Variants in AMZ1 observed in about 807,000 individuals in gnomAD.
AMZ1 encodes archaemetzincin-1.
In AMZ1, 39 loss-of-function variants were observed where a neutral mutation model predicts 29.9. The ratio of observed to expected loss-of-function variants is 1.30; its 90% CI spans 1.01 to 1.70. The LOEUF (loss-of-function observed/expected upper bound fraction) is 1.70. Ranked by LOEUF, AMZ1 falls within the 40% of genes most tolerant of loss-of-function variation. The pLI, the probability that AMZ1 is intolerant of heterozygous loss-of-function variation, is 0.00. For synonymous variants in AMZ1, 458 were observed against 304.0 expected, an observed-to-expected ratio of 1.51 and a Z score of -5.27; for missense variants, 1,041 against 680.6, an observed-to-expected ratio of 1.53 and a Z score of -5.89.
chr7:2,710,290 G>C (rs528691505), intron 6 of AMZ1, among the ~76,000 whole-genome samples: 1 of 152,346 alleles, frequency 6.6e-6, no homozygotes, highest in South Asian at 2.1e-4. Context: ...CCTGGGTGGG[G>C]TTGCCGAGCA....
rs762909854 is a variant in AMZ1, at chr7:2,702,815, C to T, written c.398C>T (p.Pro133Leu). Reference sequence around the variant, plus strand: ...CTGGGCCTGCGCGTCAAGTGCCTGCCGTCGGTGGCAGCCGCGTCCATCCGC... The same window carrying T: ...CTGGGCCTGCGCGTCAAGTGCCTGCTGTCGGTGGCAGCCGCGTCCATCCGC... ...FFLGLRVKCLPSVAAASIRCS... is the reference protein window; with the variant it reads ...FFLGLRVKCLLSVAAASIRCS... The change falls in exon 3 of 7, where the codon CCG (proline) becomes CTG (leucine). Residue 133 changes from proline (P) to leucine (L), a missense_variant. Pro to Leu is a moderately conservative substitution (Grantham distance 98). Coordinates refer to ENST00000683327, the MANE Select transcript of AMZ1 (RefSeq NM_001384743.1). The T allele has an allele frequency of 6.8e-5, 106 of 1,555,136 alleles. 1 individual carries two copies. In the Admixed American group the frequency reaches 7.1e-4, roughly 10 times the overall value.
chr7:2,733,875 T>C lies in AMZ1; in HGVS notation n.550+24059T>C, dbSNP rs531271623. Among the ~76,000 whole-genome samples the C allele has an allele frequency of 1.4e-3, 209 of 152,346 alleles. 2 individuals are homozygous for C. The highest frequency in any genetic ancestry group is 4.6e-3 in the African/African-American group (191 of 41,576). ...CAGGCTAGAATAGGATTTTAGATTT[T>C]GGCTCCTGGGTACAGTCTTGCTTCT... On this transcript the variant is annotated intron_variant and non_coding_transcript_variant, in intron 4 of 4. Transcript: ENST00000489665.
intron 4 of AMZ1, among the ~76,000 whole-genome samples, chr7:2,732,848 C>G (rs1562391300): frequency 6.6e-6 from 1 of 152,174 alleles, no homozygotes; most frequent in Non-Finnish European, 1.5e-5. Flanking sequence ...TTAAGTGATC[C>G]TGACCAATGG....
chr7:2,696,490 C>A (rs1224590222), intron 1 of AMZ1, among the ~76,000 whole-genome samples: 2 of 151,136 alleles, frequency 1.3e-5, no homozygotes, highest in Non-Finnish European at 3.0e-5. Context: ...ATCTCCTGAC[C>A]TCGTGATCTG....
At chr7:2,711,134 C>A (rs4721982) in intron 6 of AMZ1, among the ~76,000 whole-genome samples, 2 of 152,052 alleles carry the variant, frequency 1.3e-5, no homozygotes, top group African/African-American at 2.4e-5. Context: ...CTCTCCGTTC[C>A]GTGAGCACCA....
intron 4 of AMZ1, among the ~76,000 whole-genome samples, chr7:2,745,957 CAAG>C (rs549578646): frequency 0.012 from 1,832 of 152,278 alleles, 39 homozygotes; most frequent in African/African-American, 0.041. Context: ...ATCAATTCAA[CAAG>C]AAGAGCTAAC....
intron 4 of AMZ1, among the ~76,000 whole-genome samples, chr7:2,738,147 G>A (rs993034990): frequency 6.6e-6 from 1 of 152,144 alleles, no homozygotes; most frequent in Non-Finnish European, 1.5e-5. Flanking sequence ...AGAGGACCAG[G>A]CGTGGTGGCT....
rs1043625633 is a variant in AMZ1 at position 2,717,881 on chromosome 7, C to T, written c.*5003C>T. Among the ~76,000 whole-genome samples, 3 of 152,174 alleles carry T rather than the reference C, an allele frequency of 2.0e-5. No individual in the cohort carries two copies. Among genetic ancestry groups the T allele is most frequent in the Admixed American group, 6.5e-5 (1 of 15,288 alleles). On this transcript the variant is annotated 3_prime_UTR_variant, in exon 7 of 7. Transcript: ENST00000683327. ...ATTTTAAAAAGCAATTTCCAAGAAGCGTCCTGGGGTCACCACGCGTTCAGT... is the reference window on the plus strand; with the variant it reads ...ATTTTAAAAAGCAATTTCCAAGAAGTGTCCTGGGGTCACCACGCGTTCAGT...
upstream of AMZ1, among the ~76,000 whole-genome samples, chr7:2,684,244 C>A (rs1330636051): frequency 6.6e-6 from 1 of 152,156 alleles, no homozygotes; most frequent in Non-Finnish European, 1.5e-5. Flanking sequence ...CTTTCTGTCT[C>A]TTACAAAGTC....
At chr7:2,684,571 G>T (rs1167390746), upstream of AMZ1, among the ~76,000 whole-genome samples, 1 of 152,220 alleles carries the variant, frequency 6.6e-6, no homozygotes, top group Non-Finnish European at 1.5e-5. Flanking sequence ...CCATATCACG[G>T]CCTCTTTCTA....
At chr7:2,735,714 G>C (rs556956170) in intron 4 of AMZ1, among the ~76,000 whole-genome samples, 1 of 152,296 alleles carries the variant, frequency 6.6e-6, no homozygotes, top group Admixed American at 6.5e-5. Flanking sequence ...TTGGAATGCA[G>C]GAAAACTTAT....
At chr7:2,711,676 C>T (rs1013343663) in intron 6 of AMZ1, among the ~76,000 whole-genome samples, 1 of 152,158 alleles carries the variant, frequency 6.6e-6, no homozygotes, top group East Asian at 1.9e-4. Context: ...CTGCCTCTGC[C>T]TCCCTGTGCT....
chr7:2,756,505 C>A (rs1791302401), intron 4 of AMZ1, among the ~76,000 whole-genome samples: 1 of 152,096 alleles, frequency 6.6e-6, no homozygotes, highest in African/African-American at 2.4e-5. Context: ...GTCCCAGCTA[C>A]TCAGGAGGCT....
At chr7:2,742,341 G>T (rs963503611) in intron 4 of AMZ1, among the ~76,000 whole-genome samples, 8 of 152,122 alleles carry the variant, frequency 5.3e-5, no homozygotes, top group African/African-American at 1.9e-4. Context: ...GAAGAAGAGG[G>T]CTGCCTCCCA....
rs147486486 is a variant in AMZ1 at position 2,709,736 on chromosome 7, C to T, written c.868C>T (p.Arg290Trp). ...QGALSLDEAL[R>W]RPLDLCPICL... ...TGCGCTCAGCCTGGACGAGGCCCTG[C>T]GGCGGCCCCTGGACCTCTGTCCCAT... The change falls in exon 6 of 7, where the codon CGG becomes TGG. Residue 290 changes from arginine (R) to tryptophan (W), a missense_variant. Transcript: ENST00000683327. 278 of 1,611,470 alleles carry T rather than the reference C, an allele frequency of 1.7e-4. 2 individuals are homozygous for T. The African/African-American group carries it at 2.6e-3, about 15-fold the overall frequency.
At chr7:2,700,804 A>C in intron 2 of AMZ1, 49 bp downstream of exon 2, 2 of 1,582,254 alleles carry the variant, frequency 1.3e-6, no homozygotes, top group Non-Finnish European at 1.7e-6. Context: ...ACCAGCTTAT[A>C]TATAGCACAA....
chr7:2,728,080 G>C (rs548914111), intron 4 of AMZ1: 1 of 151,724 alleles, frequency 6.6e-6, no homozygotes, highest in East Asian at 1.9e-4. Context: ...AATCAATTTA[G>C]TGTTGGTTTT....
chr7:2,692,785 G>C (rs1787478757), intron 1 of AMZ1, among the ~76,000 whole-genome samples: 1 of 152,154 alleles, frequency 6.6e-6, no homozygotes, highest in Non-Finnish European at 1.5e-5. Context: ...CTCACCCAGA[G>C]CAAAGGTTAA....
chr7:2,710,692 A>C (rs949436498), intron 6 of AMZ1, among the ~76,000 whole-genome samples: 1 of 151,982 alleles, frequency 6.6e-6, no homozygotes, highest in Admixed American at 6.5e-5. Context: ...CTCTCTGAAG[A>C]CTCTGGCAGT....
Sources: allele counts gnomAD v4.1 joint callset (sites outside exome capture counted in the v4.1 genomes callset), GRCh38; gene constraint gnomAD v4.1.1; transcripts MANE v1.5; gene names NCBI Gene and HGNC (gene_info 2026-07-23, HGNC 2026-07-21).